AFDN: variants seen among roughly 807,000 people sequenced by gnomAD.
AFDN encodes afadin, adherens junction formation factor.
A neutral mutation model predicts 216.6 loss-of-function variants in AFDN; 68 were observed. The observed-to-expected ratio is 0.31, with a 90% CI of 0.26 to 0.38. AFDN has a LOEUF of 0.38. Ranked by LOEUF, AFDN falls within the 10% of genes least tolerant of loss-of-function variation. The probability of loss-of-function intolerance (pLI) is 1.00; values close to 1 mark genes in which losing one functional copy is unlikely to be tolerated. For synonymous variants in AFDN, 868 were observed against 853.7 expected, an observed-to-expected ratio of 1.02 and a Z score of -0.29; for missense variants, 2,136 against 2,342.0, an observed-to-expected ratio of 0.91 and a Z score of 1.82.
At chr6:167,923,038 C>A in intron 22 of AFDN, 79 bp downstream of exon 22, 1 of 992,286 alleles carries the variant, frequency 1.0e-6, no homozygotes. Flanking sequence ...TTCTTTCTTA[C>A]ACTGAAGATT....
At chr6:167,862,190 C>G (rs1783654812) in intron 1 of AFDN, among the ~76,000 whole-genome samples, 1 of 151,976 alleles carries the variant, frequency 6.6e-6, no homozygotes, top group African/African-American at 2.4e-5. Context: ...TTGAATGATT[C>G]CAAGAGGTAC....
intron 32 of AFDN, 182 bp downstream of exon 32, chr6:167,966,227 C>G (rs1173263615): frequency 6.5e-7 from 1 of 1,532,210 alleles, no homozygotes. Flanking sequence ...AGCCCCTGCC[C>G]CCTCCAAAAA....
chr6:167,841,919 G>T (rs1781115349), intron 1 of AFDN, among the ~76,000 whole-genome samples: 1 of 150,540 alleles, frequency 6.6e-6, no homozygotes, highest in African/African-American at 2.4e-5. Flanking sequence ...CTTCCTCTCT[G>T]TCCTTTCTTC....
intron 22 of AFDN, 47 bp downstream of exon 22, chr6:167,923,006 T>TG: frequency 7.7e-7 from 1 of 1,293,762 alleles, no homozygotes; most frequent in Non-Finnish European, 1.1e-6. Context: ...CCTTAGGACT[T>TG]GAAGATGTGA....
chr6:167,845,493 G>C (rs988498118), intron 1 of AFDN, among the ~76,000 whole-genome samples: 3 of 151,954 alleles, frequency 2.0e-5, no homozygotes, highest in Admixed American at 2.0e-4. Context: ...CACCTCCCAG[G>C]TTCAAGCGAT....
At chr6:167,847,997 G>T (rs1781890660) in intron 1 of AFDN, among the ~76,000 whole-genome samples, 1 of 151,854 alleles carries the variant, frequency 6.6e-6, no homozygotes, top group Admixed American at 6.6e-5. Flanking sequence ...GATTCTGCCT[G>T]GGATCTTAGT....
intron 23 of AFDN, among the ~76,000 whole-genome samples, chr6:167,927,680 TGTGGG>T (rs1284181958): frequency 6.6e-6 from 1 of 152,090 alleles, no homozygotes; most frequent in Non-Finnish European, 1.5e-5. Flanking sequence ...GACCAAGACG[TGTGGG>T]GTTCACCTGT....
At chr6:167,912,205 T>C (rs1790488261) in intron 15 of AFDN, 1 of 152,252 alleles carries the variant, frequency 6.6e-6, no homozygotes, top group Non-Finnish European at 1.5e-5. Flanking sequence ...CGATCTACAG[T>C]TGATAAAATT....
intron 1 of AFDN, among the ~76,000 whole-genome samples, chr6:167,843,705 T>G: frequency 6.6e-6 from 1 of 152,180 alleles, no homozygotes; most frequent in Non-Finnish European, 1.5e-5. Flanking sequence ...ATAGGATAAC[T>G]TACAGCAAAA....
rs147864978 is a variant in AFDN, at chr6:167,946,611, A to G, written c.3359-96A>G. 11,042 of 1,115,546 alleles carry G rather than the reference A, an allele frequency of 9.9e-3. 63 individuals carry two copies. Among genetic ancestry groups the G allele is most frequent in the Non-Finnish European group, 0.012 (9,243 of 773,544 alleles). 69.1% of individuals were successfully genotyped at this position (1,115,546 alleles called of 1,614,324 possible). On this transcript the variant is annotated intron_variant, in intron 26 of 33. Coordinates refer to ENST00000683244, the MANE Select transcript of AFDN (RefSeq NM_001386888.1). The stretch of plus-strand genomic sequence containing the variant: ...AGGAAGAATTGACCTTTATCACCTT[A>G]TTTCTTATGCTAAGAACAATTCTTA...
intron 1 of AFDN, among the ~76,000 whole-genome samples, chr6:167,858,122 G>T (rs993650525): frequency 2.0e-5 from 3 of 152,100 alleles, no homozygotes; most frequent in Admixed American, 2.0e-4. Context: ...TTCACTTTTT[G>T]ATCCCCTTTC....
rs1795610833 is a variant in AFDN at position 167,948,588 on chromosome 6, T to A, written c.3831+110T>A. ...GAACAGCATTGTTGGCCTTTTGTTT[T>A]TCCTTTAATGGTTTTGTGGTTAAGT... is the stretch of plus-strand genomic sequence containing the variant. On this transcript the variant is annotated intron_variant, in intron 29 of 33. Coordinates refer to ENST00000683244, the MANE Select transcript of AFDN (RefSeq NM_001386888.1). 7 of 1,060,450 alleles carry A rather than the reference T, an allele frequency of 6.6e-6. No homozygotes were observed. In the East Asian group the frequency reaches 1.8e-4, roughly 28 times the overall value. The allele number at this position is 1,060,450 out of a possible 1,614,324, so 65.7% of individuals were successfully genotyped here.
chr6:167,968,760 C>T (rs898208419), intron 32 of AFDN: 14 of 217,092 alleles, frequency 6.4e-5, no homozygotes, highest in Non-Finnish European at 1.2e-4. Flanking sequence ...CTCAACAATC[C>T]ACCGAAGCCA....
chr6:167,947,012 C>T (rs538031188), intron 27 of AFDN, 111 bp downstream of exon 27: 1 of 936,562 alleles, frequency 1.1e-6, no homozygotes, highest in Non-Finnish European at 1.6e-6. Context: ...CAAACATTGG[C>T]TAACTAGGAT....
intron 27 of AFDN, among the ~76,000 whole-genome samples, 181 bp downstream of exon 27, chr6:167,947,082 A>G (rs1795353650): frequency 6.6e-6 from 1 of 152,186 alleles, no homozygotes; most frequent in South Asian, 2.1e-4. Context: ...AGATGGAAAA[A>G]CTTTAGATTC....
At chr6:167,956,859 T>G (rs184050736) in intron 30 of AFDN, among the ~76,000 whole-genome samples, 4 of 152,170 alleles carry the variant, frequency 2.6e-5, no homozygotes, top group South Asian at 2.1e-4. Context: ...CCGGGGTCAC[T>G]GCGAGAGACT....
chr6:167,886,672 G>A lies in AFDN; in HGVS notation c.898-2543G>A, dbSNP rs1293562117. Reference sequence around the variant, plus strand: ...ATATGATGGGTTTTTTAAGTGGTCCGTATACTTAGAATTGATTAGTAACTG... The same window carrying A: ...ATATGATGGGTTTTTTAAGTGGTCCATATACTTAGAATTGATTAGTAACTG... On this transcript the variant is annotated intron_variant, in intron 6 of 33. Transcript: ENST00000683244. 2.0e-5 allele frequency among the ~76,000 whole-genome samples: 3 copies of A among 152,098 alleles called. No individual in the cohort carries two copies. In the East Asian group the frequency reaches 5.8e-4, roughly 29 times the overall value.
intron 3 of AFDN, among the ~76,000 whole-genome samples, chr6:167,871,802 A>C (rs1784828866): frequency 6.6e-6 from 1 of 151,452 alleles, no homozygotes; most frequent in Non-Finnish European, 1.5e-5. Flanking sequence ...TCTATTATTC[A>C]CTCTTTGTTT....
At chr6:167,954,544 T>A in intron 30 of AFDN, 1 of 1,553,446 alleles carries the variant, frequency 6.4e-7, no homozygotes, top group Non-Finnish European at 8.7e-7. Flanking sequence ...CTTGATTTTC[T>A]TTTCTTTCAG....
Sources: gnomAD v4.1 joint callset for allele counts (sites outside exome capture counted in the v4.1 genomes callset) on GRCh38, gnomAD v4.1.1 for gene constraint, MANE v1.5 for transcripts, NCBI Gene and HGNC (gene_info 2026-07-23, HGNC 2026-07-21) for gene names.